RNF144A: variants seen among roughly 807,000 people sequenced by gnomAD.
The protein encoded by RNF144A is E3 ubiquitin-protein ligase RNF144A.
RNF144A carries 11 observed loss-of-function variants against 38.7 expected under a neutral mutation model. The ratio of observed to expected loss-of-function variants is 0.28; its 90% CI spans 0.18 to 0.47. RNF144A has a LOEUF of 0.47. Among genes scored for constraint, RNF144A ranks in the 20% least tolerant of loss-of-function variants. The pLI is 0.99. For missense variants in RNF144A, 316 were observed against 377.2 expected, an observed-to-expected ratio of 0.84 and a Z score of 1.34; for synonymous variants, 149 against 143.9, an observed-to-expected ratio of 1.04 and a Z score of -0.25.
intron 1 of RNF144A, among the ~76,000 whole-genome samples, chr2:6,930,015 G>A (rs1023061179): frequency 6.6e-6 from 1 of 152,224 alleles, no homozygotes; most frequent in Non-Finnish European, 1.5e-5. Flanking sequence ...AAGGAAAGAT[G>A]CATTATTTTT....
At position 7,024,389 on chromosome 2, in the gene RNF144A, A is replaced by C. The variant is rs1292949469; in HGVS notation, c.530A>C (p.Glu177Ala). ...GETSAAFKME[E>A]DDAPIKRCPK... is the part of the protein sequence containing the mutation. ...CACAGTGCTGCTTTCAAAATGGAAG[A>C]AGATGACGCGCCCATCAAGCGCTGC... Residue 177 changes from glutamate (E) to alanine (A), a missense_variant, in exon 7 of 9, where the codon GAA (glutamate) becomes GCA (alanine). Glu to Ala is a moderately radical substitution (Grantham distance 107). Transcript: ENST00000320892. 6.2e-7 allele frequency: 1 copy of C among 1,608,138 alleles called. No homozygotes were observed.
At chr2:7,044,331 G>C (rs1234304461), downstream of RNF144A, 2 of 383,034 alleles carry the variant, frequency 5.2e-6, no homozygotes, top group African/African-American at 4.4e-5. Flanking sequence ...GTGAGGCAGG[G>C]GAGGGATCTT....
At chr2:7,054,657 T>C (rs902133684) in intron 6 of RNF144A, among the ~76,000 whole-genome samples, 1 of 152,158 alleles carries the variant, frequency 6.6e-6, no homozygotes, top group Admixed American at 6.5e-5. Flanking sequence ...GGGAAGTAGC[T>C]AGCCCTTTTT....
In RNF144A at chr2:7,044,164, A is replaced by G; in HGVS notation, c.*4404A>G. ...TTTAAAGCTATTTTGGCTGGAATAC[A>G]GGTGACTTTTGTAAACCCCGCGTGG... On this transcript the variant is annotated 3_prime_UTR_variant, in exon 9 of 9. Transcript: ENST00000320892. 1 of 985,720 alleles carries G rather than the reference A, an allele frequency of 1.0e-6. No homozygotes were observed. The highest frequency in any genetic ancestry group is 1.2e-6 in the Non-Finnish European group (1 of 829,936). 61.1% of individuals were successfully genotyped at this position (985,720 alleles called of 1,614,324 possible).
At chr2:7,023,963 A>G (rs1671701705) in intron 6 of RNF144A, among the ~76,000 whole-genome samples, 2 of 152,238 alleles carry the variant, frequency 1.3e-5, no homozygotes, top group South Asian at 4.1e-4. Context: ...TTATAACAGC[A>G]AAGTACATAA....
intron 2 of RNF144A, among the ~76,000 whole-genome samples, chr2:6,996,245 T>G (rs1053962357): frequency 1.3e-5 from 2 of 152,230 alleles, no homozygotes; most frequent in African/African-American, 2.4e-5. Flanking sequence ...TCGCCACGTC[T>G]TTAACACTGG....
intron 2 of RNF144A, among the ~76,000 whole-genome samples, chr2:6,984,723 G>A (rs993812849): frequency 2.6e-5 from 4 of 152,256 alleles, no homozygotes; most frequent in South Asian, 2.1e-4. Context: ...TGGGAAAATA[G>A]GAGTGCGTAA....
At chr2:7,011,496 A>T (rs35431985) in intron 3 of RNF144A, among the ~76,000 whole-genome samples, 27,670 of 152,126 alleles carry the variant, frequency 0.18, 3,196 homozygotes, top group East Asian at 0.56. Flanking sequence ...GCTGTTGTTG[A>T]TGTCTCTGAG....
intron 2 of RNF144A, among the ~76,000 whole-genome samples, chr2:6,979,653 T>C (rs1353396779): frequency 6.6e-6 from 1 of 152,106 alleles, no homozygotes; most frequent in Non-Finnish European, 1.5e-5. Flanking sequence ...CCTTCCAGGC[T>C]CCACAGAAGC....
At chr2:6,972,671 G>T (rs1329341757) in intron 2 of RNF144A, among the ~76,000 whole-genome samples, 1 of 152,130 alleles carries the variant, frequency 6.6e-6, no homozygotes, top group Non-Finnish European at 1.5e-5. Context: ...TAACAAGGCT[G>T]CCAGCTGTGT....
intron 6 of RNF144A, among the ~76,000 whole-genome samples, chr2:7,063,574 G>A (rs1400437382): frequency 6.6e-6 from 1 of 152,118 alleles, no homozygotes; most frequent in East Asian, 1.9e-4. Context: ...GGGAGTCAAA[G>A]GGGTGTTTGA....
At chr2:6,921,341 G>A (rs931202301) in intron 1 of RNF144A, among the ~76,000 whole-genome samples, 2 of 152,252 alleles carry the variant, frequency 1.3e-5, no homozygotes, top group African/African-American at 2.4e-5. Flanking sequence ...GTGGCATGCA[G>A]TGTGTCAACC....
At chr2:6,978,086 C>CAGGAG (rs1668420090) in intron 2 of RNF144A, among the ~76,000 whole-genome samples, 1 of 152,026 alleles carries the variant, frequency 6.6e-6, no homozygotes, top group African/African-American at 2.4e-5. Context: ...GCTAGTAGAC[C>CAGGAG]AGGAGAGGAG....
Position 6,958,734 on chromosome 2 carries a change from G to C in RNF144A, c.-12+17587G>C, listed in dbSNP as rs1667157440. 6.6e-6 allele frequency among the ~76,000 whole-genome samples: 1 copy of C among 152,186 alleles called. No individual in the cohort carries two copies. The highest frequency in any genetic ancestry group is 2.1e-4 in the South Asian group (1 of 4,832). ...CCCAGGCTGGCTGCCTTCCCAATCAGACAGTTGCTTCTGTGCATCCCGCAG... is the reference window on the plus strand; with the variant it reads ...CCCAGGCTGGCTGCCTTCCCAATCACACAGTTGCTTCTGTGCATCCCGCAG... On this transcript the variant is annotated intron_variant, in intron 2 of 8. Transcript: ENST00000320892. This position sits in a 1 kb window ranked among gnomAD's most constrained non-coding sequence, Gnocchi z 4.5.
rs893822002 is a variant in RNF144A at position 7,055,933 on chromosome 2, G to A, written c.735-12283G>A. Among the ~76,000 whole-genome samples the A allele has an allele frequency of 4.6e-5, 7 of 152,194 alleles. No homozygotes were observed. The East Asian group carries it at 7.7e-4, about 17-fold the overall frequency. ...AGACCTTCCTACCCAGATGCTGGGC[G>A]AGCATGCACACTCTGTAACCTACTG... On this transcript the variant is annotated intron_variant, in intron 6 of 6. Transcript: ENST00000432850.
At chr2:6,966,601 G>A (rs1189569877) in intron 2 of RNF144A, among the ~76,000 whole-genome samples, 1 of 152,188 alleles carries the variant, frequency 6.6e-6, no homozygotes, top group Non-Finnish European at 1.5e-5. Flanking sequence ...TATTTTAAGA[G>A]GTTAATAGTA....
At chr2:6,974,717 A>C (rs1349813997) in intron 2 of RNF144A, among the ~76,000 whole-genome samples, 1 of 152,210 alleles carries the variant, frequency 6.6e-6, no homozygotes, top group African/African-American at 2.4e-5. Flanking sequence ...AGGCAGGTGC[A>C]TCAAGGGTGT....
chr2:6,937,747 G>T (rs1665681914), intron 1 of RNF144A, among the ~76,000 whole-genome samples: 2 of 152,150 alleles, frequency 1.3e-5, no homozygotes. Flanking sequence ...ACGGCCAGGT[G>T]ATGTTTGGAG....
chr2:7,033,841 A>G lies in RNF144A; in HGVS notation c.747+3626A>G, dbSNP rs147047101. On this transcript the variant is annotated intron_variant, in intron 8 of 8. Transcript: ENST00000320892. ...TTGGCACTGGTCCTGTGCCTGGGGC[A>G]CAGTTATCTTTGGAAGTAGTGCACG... 5.1e-3 allele frequency among the ~76,000 whole-genome samples: 777 copies of G among 152,298 alleles called. 10 individuals are homozygous for G. Among genetic ancestry groups the G allele is most frequent in the African/African-American group, 0.018 (743 of 41,568 alleles).
Sources: gnomAD v4.1 joint callset for allele counts (sites outside exome capture counted in the v4.1 genomes callset) on GRCh38, gnomAD v4.1.1 for gene constraint, Gnocchi (gnomAD v3.1) non-coding constraint, MANE v1.5 for transcripts, NCBI Gene and HGNC (gene_info 2026-07-23, HGNC 2026-07-21) for gene names.